The following GSG1 variants were observed in gnomAD, a reference collection of about 807,000 sequenced individuals.
The protein encoded by GSG1 is germ cell-specific gene 1 protein.
Under a neutral mutation model 30.8 loss-of-function variants are expected in GSG1, and 28 were observed. The observed-to-expected ratio is 0.91, with a 90% CI of 0.67 to 1.25. The LOEUF (loss-of-function observed/expected upper bound fraction) is 1.25, where lower values mean the gene tolerates loss of function less well. GSG1 is among the 50% of genes most tolerant of loss of function. The pLI, the probability that GSG1 is intolerant of heterozygous loss-of-function variation, is 0.00. For missense variants in GSG1, 435 were observed against 444.7 expected (o/e 0.98, Z 0.20); for synonymous variants, 162 against 178.0 (o/e 0.91, Z 0.71).
In GSG1 at chr12:13,087,159, C is replaced by T; in HGVS notation, c.739G>A (p.Ala247Thr). The T allele has an allele frequency of 7.4e-6, 12 of 1,611,578 alleles. No individual in the cohort carries two copies. The highest frequency in any genetic ancestry group is 1.0e-5 in the Non-Finnish European group (12 of 1,177,810). Residue 247 changes from alanine to threonine, a missense_variant, in exon 6 of 7, where the codon GCC (alanine) becomes ACC (threonine). Physicochemically the swap from Ala to Thr is moderately conservative, Grantham distance 58 (BLOSUM62 0). Coordinates refer to ENST00000651961, the MANE Select transcript of GSG1 (RefSeq NM_001080555.4). Reference protein sequence around the residue: ...WRPHVWNYGWAFYMAWLSFTC... With the variant: ...WRPHVWNYGWTFYMAWLSFTC... The stretch of plus-strand genomic sequence containing the variant: ...GGAGATGACAGCACTTACTAGAAGG[C>T]CCAGCCATAATTCCAAACATGTGGT...
rs1394076005 is a variant in GSG1, at chr12:13,101,193, G to A, written c.48+2272C>T. On this transcript the variant is annotated intron_variant, in intron 1 of 6. Coordinates refer to ENST00000651961, the MANE Select transcript of GSG1 (RefSeq NM_001080555.4). This position sits in a 1 kb window ranked among gnomAD's most constrained non-coding sequence, Gnocchi z 5.8. ...GGGGACCGCGGGGCGGGGCGGGGGC[G>A]TAACGGGTGGGGCCTCTCGGGGGTG... is the stretch of plus-strand genomic sequence containing the variant. 6.6e-6 allele frequency among the ~76,000 whole-genome samples: 1 copy of A among 150,656 alleles called. No individual in the cohort carries two copies. The highest frequency in any genetic ancestry group is 6.6e-5 in the Admixed American group (1 of 15,218).
intron 4 of GSG1, 39 bp from the exon 5 acceptor site, chr12:13,088,098 CA>C (rs1468592581): frequency 6.2e-7 from 1 of 1,612,048 alleles, no homozygotes; most frequent in Admixed American, 1.7e-5. Flanking sequence ...CTCACCCTGA[CA>C]GTTAAAAAAC....
chr12:13,090,585 C>G lies in GSG1; in HGVS notation c.282G>C (p.Trp94Cys), dbSNP rs1376223540. ...AGGAGAACCGGTCATCCCCAGTCTC[C>G]CAGTTGTATTGTACCACCTCCTGGG... ...TSTQEVVQYN[W>C]ETGDDRFSFR... The change falls in exon 2 of 7, where the codon TGG becomes TGC. Residue 94 changes from tryptophan (W) to cysteine (C), a missense_variant. By Grantham distance (215) the Trp-to-Cys change is radical. Coordinates refer to ENST00000651961, the MANE Select transcript of GSG1 (RefSeq NM_001080555.4). The G allele has an allele frequency of 6.2e-7, 1 of 1,614,118 alleles. No homozygotes were observed. Among genetic ancestry groups the G allele is most frequent in the Admixed American group, 1.7e-5 (1 of 60,002 alleles).
At position 13,090,507 on chromosome 12, in the gene GSG1, T is replaced by G; in HGVS notation, c.360A>C (p.Glu120Asp). 1 of 1,607,292 alleles carries G rather than the reference T, an allele frequency of 6.2e-7. No homozygotes were observed. The change falls in exon 2 of 7, where the codon GAA (glutamate) becomes GAC (aspartate). Residue 120 changes from glutamate to aspartate, a missense_variant. Transcript: ENST00000651961. ...ATATCCCAGAATGTAGGCTACCTGGTTCTTCCACAGTTTCCTCACAGGATA... is the reference window on the plus strand; with the variant it reads ...ATATCCCAGAATGTAGGCTACCTGGGTCTTCCACAGTTTCCTCACAGGATA... ...MWLSCEETVEEPALLHPQSWK... is the reference protein window; with the variant it reads ...MWLSCEETVEDPALLHPQSWK...
intron 1 of GSG1, among the ~76,000 whole-genome samples, chr12:13,100,362 G>A (rs1485528689): frequency 2.6e-5 from 4 of 152,180 alleles, no homozygotes; most frequent in Non-Finnish European, 4.4e-5. Context: ...CCAGGCAGAT[G>A]CACCCAGAGT....
chr12:13,087,838 A>G, intron 5 of GSG1, 69 bp downstream of exon 5: 1 of 1,527,902 alleles, frequency 6.5e-7, no homozygotes, highest in Non-Finnish European at 8.8e-7. Flanking sequence ...GCAAAGACTC[A>G]AGCCCTCCAG....
intron 1 of GSG1, among the ~76,000 whole-genome samples, chr12:13,100,899 TC>T (rs1863147773): frequency 6.6e-6 from 1 of 152,158 alleles, no homozygotes; most frequent in African/African-American, 2.4e-5. Context: ...CTAACGTAGG[TC>T]CCGAGTTTTG....
At chr12:13,095,150 C>T (rs1459408639) in intron 1 of GSG1, among the ~76,000 whole-genome samples, 1 of 152,190 alleles carries the variant, frequency 6.6e-6, no homozygotes, top group African/African-American at 2.4e-5. Flanking sequence ...GAATTATCTC[C>T]AACACCTATA....
chr12:13,088,920 CA>C lies in GSG1; in HGVS notation c.434-12del, dbSNP rs1389149825. The stretch of plus-strand genomic sequence containing the variant: ...TTCGGCACCTCTCCCCTGAAACATA[CA>C]AGGTACAACGTCATGGAGCTACTCC... On this transcript the variant is annotated splice_polypyrimidine_tract_variant and intron_variant, in intron 3 of 6. Coordinates refer to ENST00000651961, the MANE Select transcript of GSG1 (RefSeq NM_001080555.4). 1 of 1,613,876 alleles carries C rather than the reference CA, an allele frequency of 6.2e-7. No individual in the cohort carries two copies. Among genetic ancestry groups the C allele is most frequent in the Non-Finnish European group, 8.5e-7 (1 of 1,179,922 alleles).
chr12:13,089,707 A>G (rs2120716498), intron 2 of GSG1, among the ~76,000 whole-genome samples: 1 of 152,320 alleles, frequency 6.6e-6, no homozygotes, highest in African/African-American at 2.4e-5. Flanking sequence ...CTGTAAGATG[A>G]TCTGCTGTGA....
intron 2 of GSG1, 135 bp downstream of exon 2, chr12:13,090,368 G>C: frequency 1.4e-6 from 1 of 725,650 alleles, no homozygotes; most frequent in Non-Finnish European, 2.2e-6. Context: ...AGGGAGTGAG[G>C]CCCACTGGGG....
chr12:13,086,889 A>C (rs1006246834), intron 6 of GSG1, among the ~76,000 whole-genome samples: 1 of 152,238 alleles, frequency 6.6e-6, no homozygotes, highest in African/African-American at 2.4e-5. Flanking sequence ...CCAGGTAAAG[A>C]GGCAACTGCC....
chr12:13,102,378 C>A (rs533027796), intron 1 of GSG1, among the ~76,000 whole-genome samples: 2 of 152,182 alleles, frequency 1.3e-5, no homozygotes, highest in African/African-American at 4.8e-5. Context: ...CCAGACGCTC[C>A]CATATTCCCT....
chr12:13,098,456 ATTTTTTTTTTTTTTTTT>A lies in GSG1; in HGVS notation c.48+4992_48+5008del, dbSNP rs771887535. On this transcript the variant is annotated intron_variant, in intron 1 of 6. Transcript: ENST00000651961. ...CTTGTAGGATTGTTTCATGTAGCCCATTTTTTTTTTTTTTTTTTTTTTTTTTTTTTTTTTTTGGGCGG... is the reference window on the plus strand; with the variant it reads ...CTTGTAGGATTGTTTCATGTAGCCCATTTTTTTTTTTTTTTTTTTGGGCGG... Among the ~76,000 whole-genome samples the A allele has an allele frequency of 8.2e-4, 39 of 47,402 alleles. 3 individuals are homozygous for A. The highest frequency in any genetic ancestry group is 1.9e-3 in the African/African-American group (22 of 11,882). The allele number at this position is 47,402 out of a possible 152,430, so 31.1% of individuals were successfully genotyped here. A position where few individuals can be genotyped will look rare whatever the true frequency, so the allele number is the denominator to read the frequency against.
intron 6 of GSG1, among the ~76,000 whole-genome samples, chr12:13,086,564 T>C (rs1211303660): frequency 6.6e-6 from 1 of 152,198 alleles, no homozygotes; most frequent in Non-Finnish European, 1.5e-5. Flanking sequence ...TGTTGCTTTG[T>C]GATGGTTGCT....
chr12:13,095,831 T>G, intron 1 of GSG1: 18 of 1,405,036 alleles, frequency 1.3e-5, no homozygotes, highest in Non-Finnish European at 1.6e-5. Context: ...GGCCCAGCTG[T>G]TCTGGGAGAT....
At chr12:13,094,787 T>C (rs1413811830) in intron 1 of GSG1, among the ~76,000 whole-genome samples, 6 of 152,236 alleles carry the variant, frequency 3.9e-5, no homozygotes, top group Non-Finnish European at 8.8e-5. Context: ...AATTTGTCTA[T>C]TATCACATCA....
intron 6 of GSG1, 38 bp downstream of exon 6, chr12:13,087,114 G>T: frequency 7.1e-7 from 1 of 1,408,130 alleles, no homozygotes; most frequent in Non-Finnish European, 1.0e-6. Context: ...GTGAAGGTTG[G>T]CTGGGGCTAC....
In GSG1 at chr12:13,103,543, TCA is replaced by T; in HGVS notation, c.-33_-32del. The T allele has an allele frequency of 6.2e-7, 1 of 1,613,232 alleles. No homozygotes were observed. Among genetic ancestry groups the T allele is most frequent in the Non-Finnish European group, 8.5e-7 (1 of 1,179,208 alleles). On this transcript the variant is annotated 5_prime_UTR_variant, in exon 1 of 7. Coordinates refer to ENST00000651961, the MANE Select transcript of GSG1 (RefSeq NM_001080555.4). ...CTTGCAGCGGGAAGGCAGAGAAGTT[TCA>T]GTTTATCTTCTGTTCTGTCTCAATC...
Sources: allele counts gnomAD v4.1 joint callset (sites outside exome capture counted in the v4.1 genomes callset), GRCh38; gene constraint gnomAD v4.1.1; non-coding constraint Gnocchi (gnomAD v3.1); transcripts MANE v1.5; gene names NCBI Gene and HGNC (gene_info 2026-07-23, HGNC 2026-07-21).